Variants in GPRIN3 observed in about 807,000 individuals in gnomAD.
The protein encoded by GPRIN3 is G protein-regulated inducer of neurite outgrowth 3.
GPRIN3 carries 12 observed loss-of-function variants against 13.7 expected under a neutral mutation model. That is an observed-to-expected ratio of 0.87 (90% CI 0.56 to 1.42). The LOEUF (loss-of-function observed/expected upper bound fraction) is 1.42, where lower values mean the gene tolerates loss of function less well. GPRIN3 is among the 40% of genes most tolerant of loss of function. The probability of loss-of-function intolerance (pLI) is 0.00; values close to 1 mark genes in which losing one functional copy is unlikely to be tolerated. For synonymous variants in GPRIN3, 377 were observed against 372.7 expected (o/e 1.01, Z -0.13); for missense variants, 1,009 against 958.7 (o/e 1.05, Z -0.69).
intron 1 of GPRIN3, among the ~76,000 whole-genome samples, chr4:89,277,298 C>T (rs773206753): frequency 3.7e-4 from 56 of 152,220 alleles, no homozygotes; most frequent in African/African-American, 9.1e-4. Context: ...TGTCCAGGTG[C>T]GAGGCATGAG....
At chr4:89,253,877 T>G (rs1456782957) in intron 1 of GPRIN3, among the ~76,000 whole-genome samples, 1 of 152,126 alleles carries the variant, frequency 6.6e-6, no homozygotes, top group Non-Finnish European at 1.5e-5. Flanking sequence ...CAGAAGAGAC[T>G]CGCCGAAGTT....
chr4:89,270,569 A>ATATATATATATTTATATATGTATATAATT (rs1723910525), intron 1 of GPRIN3, among the ~76,000 whole-genome samples: 25 of 82,836 alleles, frequency 3.0e-4, no homozygotes, highest in African/African-American at 1.8e-3. Context: ...TATAATTTAT[A>ATATATATATATTTATATATGTATATAATT]TATATATATA....
At chr4:89,305,759 C>G (rs1725017107) in intron 1 of GPRIN3, among the ~76,000 whole-genome samples, 1 of 152,188 alleles carries the variant, frequency 6.6e-6, no homozygotes, top group South Asian at 2.1e-4. Context: ...AATAATTAAG[C>G]ATATTGGGCA....
intron 1 of GPRIN3, among the ~76,000 whole-genome samples, chr4:89,281,329 G>A (rs1238546561): frequency 6.6e-6 from 1 of 152,058 alleles, no homozygotes; most frequent in Non-Finnish European, 1.5e-5. Flanking sequence ...TCGCCATGTT[G>A]GCCAGGCTGG....
intron 1 of GPRIN3, among the ~76,000 whole-genome samples, chr4:89,267,388 G>A (rs113314138): frequency 2.6e-5 from 4 of 152,110 alleles, no homozygotes; most frequent in African/African-American, 9.7e-5. Context: ...CTACACATGG[G>A]TATGAAGTAT....
chr4:89,302,112 C>T (rs768174616), intron 1 of GPRIN3, among the ~76,000 whole-genome samples: 11 of 152,130 alleles, frequency 7.2e-5, no homozygotes, highest in Non-Finnish European at 1.0e-4. Context: ...TACGCTAGAC[C>T]CTTGGGACAG....
intron 1 of GPRIN3, among the ~76,000 whole-genome samples, chr4:89,288,675 T>G (rs1724490533): frequency 6.6e-6 from 1 of 152,228 alleles, no homozygotes; most frequent in African/African-American, 2.4e-5. Context: ...AAACTGGGGC[T>G]GAACTACATT....
intron 1 of GPRIN3, among the ~76,000 whole-genome samples, chr4:89,284,988 GC>G (rs1707419609): frequency 1.3e-5 from 2 of 152,068 alleles, no homozygotes; most frequent in Admixed American, 6.5e-5. Context: ...ATCTTTTCAG[GC>G]CTTTTGCATG....
rs1021484703 is a variant in GPRIN3 at position 89,238,451 on chromosome 4, T to C, written c.*9329A>G. On this transcript the variant is annotated 3_prime_UTR_variant, in exon 2 of 2. Coordinates refer to ENST00000609438, the MANE Select transcript of GPRIN3 (RefSeq NM_198281.3). ...AGGCTGGAGCTATATAGGGTACACC[T>C]GATGGCTCTGGGTAAGAGGCATCTA... 2 of 152,180 alleles carry C rather than the reference T, an allele frequency of 1.3e-5. No homozygotes were observed. Among genetic ancestry groups the C allele is most frequent in the Admixed American group, 6.6e-5 (1 of 15,266 alleles). The allele number at this position is 152,180 out of a possible 1,614,324, so 9.4% of individuals were successfully genotyped here. A position where few individuals can be genotyped will look rare whatever the true frequency, so the allele number is the denominator to read the frequency against.
intron 1 of GPRIN3, among the ~76,000 whole-genome samples, chr4:89,294,814 T>C (rs779266025): frequency 1.3e-4 from 20 of 152,206 alleles, no homozygotes; most frequent in Non-Finnish European, 2.1e-4. Context: ...AACAGCTCCA[T>C]TGACATCACA....
Position 89,239,986 on chromosome 4 carries a change from C to T in GPRIN3, c.*7794G>A, listed in dbSNP as rs972301106. 6.6e-5 allele frequency: 10 copies of T among 152,102 alleles called. No homozygotes were observed. The highest frequency in any genetic ancestry group is 1.9e-4 in the East Asian group (1 of 5,186). The allele number at this position is 152,102 out of a possible 1,614,324, so 9.4% of individuals were successfully genotyped here. On this transcript the variant is annotated 3_prime_UTR_variant, in exon 2 of 2. Coordinates refer to ENST00000609438, the MANE Select transcript of GPRIN3 (RefSeq NM_198281.3). Reference sequence around the variant, plus strand: ...CTCCATGCATATTTTCAATCTGATACCCAACCAACGTAATTTTTAGTGTCG... The same window carrying T: ...CTCCATGCATATTTTCAATCTGATATCCAACCAACGTAATTTTTAGTGTCG...
chr4:89,295,479 C>T (rs1034449185), intron 1 of GPRIN3, among the ~76,000 whole-genome samples: 3 of 152,126 alleles, frequency 2.0e-5, no homozygotes, highest in Non-Finnish European at 2.9e-5. Flanking sequence ...TCCATAAGCT[C>T]TCCATAGGGC....
chr4:89,300,867 C>T (rs914819210), intron 1 of GPRIN3, among the ~76,000 whole-genome samples: 1 of 152,120 alleles, frequency 6.6e-6, no homozygotes, highest in Non-Finnish European at 1.5e-5. Context: ...CATGCATTTA[C>T]TAACTTTAGC....
intron 1 of GPRIN3, among the ~76,000 whole-genome samples, chr4:89,258,490 A>C (rs1368404604): frequency 6.6e-6 from 1 of 152,172 alleles, no homozygotes; most frequent in Non-Finnish European, 1.5e-5. Flanking sequence ...CTGGGATTAC[A>C]GGCATGAGCC....
At chr4:89,303,006 C>A (rs1201899952) in intron 1 of GPRIN3, among the ~76,000 whole-genome samples, 1 of 151,998 alleles carries the variant, frequency 6.6e-6, no homozygotes, top group East Asian at 1.9e-4. Context: ...CAAAATTGTT[C>A]TATTCCAGAG....
chr4:89,272,975 C>G (rs939369722), intron 1 of GPRIN3, among the ~76,000 whole-genome samples: 8 of 152,100 alleles, frequency 5.3e-5, no homozygotes, highest in African/African-American at 1.9e-4. Context: ...GCACATAGAG[C>G]TTTAGAAGTG....
Position 89,248,726 on chromosome 4 carries a change from G to A in GPRIN3, c.1385C>T (p.Ser462Phe). The A allele has an allele frequency of 6.2e-7, 1 of 1,614,138 alleles. No homozygotes were observed. The highest frequency in any genetic ancestry group is 8.5e-7 in the Non-Finnish European group (1 of 1,180,020). Residue 462 changes from serine (S) to phenylalanine (F), a missense_variant, in exon 2 of 2, where the codon TCC (serine) becomes TTC (phenylalanine). Transcript: ENST00000609438. ...CTGGTCAATGGCGGTAGCTTTCAGG[G>A]AGCTAGAATTAGTACCTGCGAGCTT... Reference protein sequence around the residue: ...AKKLAGTNSSSLKATAIDQIS... With the variant: ...AKKLAGTNSSFLKATAIDQIS...
At chr4:89,304,020 T>C (rs1323432084) in intron 1 of GPRIN3, among the ~76,000 whole-genome samples, 1 of 152,156 alleles carries the variant, frequency 6.6e-6, no homozygotes, top group African/African-American at 2.4e-5. Flanking sequence ...CTTTGCTTCC[T>C]CCTTCTATAG....
chr4:89,304,402 G>GCACA (rs34371395), intron 1 of GPRIN3, among the ~76,000 whole-genome samples: 55,987 of 150,944 alleles, frequency 0.37, 10,849 homozygotes, highest in African/African-American at 0.47. Flanking sequence ...ATGCAGGCTT[G>GCACA]CACACACACA....
Sources: allele counts gnomAD v4.1 joint callset (sites outside exome capture counted in the v4.1 genomes callset), GRCh38; gene constraint gnomAD v4.1.1; transcripts MANE v1.5; gene names NCBI Gene and HGNC (gene_info 2026-07-23, HGNC 2026-07-21).